Variants in TBC1D30 observed in about 807,000 individuals in gnomAD.
The protein encoded by TBC1D30 is TBC1 domain family, member 30.
Under a neutral mutation model 63.2 loss-of-function variants are expected in TBC1D30, and 31 were observed. That is an observed-to-expected ratio of 0.49 (90% CI 0.37 to 0.66). The LOEUF (loss-of-function observed/expected upper bound fraction) is 0.66. Ranked by LOEUF, TBC1D30 falls within the 30% of genes least tolerant of loss-of-function variation. The pLI is 0.00. For missense variants in TBC1D30, 810 were observed against 953.6 expected, an observed-to-expected ratio of 0.85 and a Z score of 1.98; for synonymous variants, 307 against 361.5, an observed-to-expected ratio of 0.85 and a Z score of 1.71.
At position 64,875,982 on chromosome 12, in the gene TBC1D30, A is replaced by G. The variant is rs1001175926; in HGVS notation, c.*194A>G. On this transcript the variant is annotated 3_prime_UTR_variant, in exon 12 of 12. Coordinates refer to ENST00000539867, the MANE Select transcript of TBC1D30 (RefSeq NM_015279.2). ...AGGGCTGTTTTCCCAGCTACTTGCT[A>G]ACTGACGAAGTGGATTCTTGTGGCA... 5 of 537,508 alleles carry G rather than the reference A, an allele frequency of 9.3e-6. No individual in the cohort carries two copies. Among genetic ancestry groups the G allele is most frequent in the African/African-American group, 1.9e-5 (1 of 51,892 alleles). 33.3% of individuals were successfully genotyped at this position (537,508 alleles called of 1,614,324 possible).
intron 1 of TBC1D30, among the ~76,000 whole-genome samples, chr12:64,785,147 C>CT (rs3033154): frequency 0.19 from 25,913 of 134,798 alleles, 2,872 homozygotes; most frequent in Admixed American, 0.28. Context: ...ACTTTAAAGA[C>CT]TTTTTTTTTT....
chr12:64,824,733 C>A lies in TBC1D30; in HGVS notation c.-147C>A. Reference sequence around the variant, plus strand: ...GTGCCCCGTAAGTCCCCGTGACCCTCCAGCACCAGCCGGCTGTGCGCTCCC... The same window carrying A: ...GTGCCCCGTAAGTCCCCGTGACCCTACAGCACCAGCCGGCTGTGCGCTCCC... On this transcript the variant is annotated 5_prime_UTR_variant, in exon 1 of 12. Coordinates refer to ENST00000539867, the MANE Select transcript of TBC1D30 (RefSeq NM_015279.2). 1.7e-6 allele frequency: 2 copies of A among 1,176,364 alleles called. No homozygotes were observed. The highest frequency in any genetic ancestry group is 5.7e-5 in the Admixed American group (2 of 35,334). 72.9% of individuals were successfully genotyped at this position (1,176,364 alleles called of 1,614,324 possible). A position where few individuals can be genotyped will look rare whatever the true frequency, so the allele number is the denominator to read the frequency against.
At chr12:64,761,065 G>A (rs1038545359) in intron 1 of TBC1D30, among the ~76,000 whole-genome samples, 2 of 152,078 alleles carry the variant, frequency 1.3e-5, no homozygotes, top group Admixed American at 6.5e-5. Flanking sequence ...CAATTATGCC[G>A]GAAGTGTGGT....
chr12:64,807,163 G>A (rs919671267), intron 2 of TBC1D30, among the ~76,000 whole-genome samples: 1 of 152,162 alleles, frequency 6.6e-6, no homozygotes, highest in African/African-American at 2.4e-5. Context: ...CTCCCATGCT[G>A]TTCTTATGAT....
intron 8 of TBC1D30, among the ~76,000 whole-genome samples, chr12:64,858,874 G>A (rs1877537477): frequency 6.6e-6 from 1 of 152,154 alleles, no homozygotes; most frequent in Non-Finnish European, 1.5e-5. Flanking sequence ...GGTGTGCAGA[G>A]GGGCTGGGGG....
rs542118848 is a variant in TBC1D30 at position 64,878,123 on chromosome 12, A to G, written c.*2335A>G. 4.4e-5 allele frequency: 10 copies of G among 228,978 alleles called. No homozygotes were observed. The highest frequency in any genetic ancestry group is 7.1e-5 in the Non-Finnish European group (8 of 112,342). 14.2% of individuals were successfully genotyped at this position (228,978 alleles called of 1,614,324 possible). ...TGAATGAATGAATAAGTGAAAGGAT[A>G]ATAGTCCTCTGAGGTAAAAATGGCC... On this transcript the variant is annotated 3_prime_UTR_variant, in exon 12 of 12. Coordinates refer to ENST00000539867, the MANE Select transcript of TBC1D30 (RefSeq NM_015279.2).
rs1433896059 is a variant in TBC1D30 at position 64,864,668 on chromosome 12, A to T, written c.1039A>T (p.Thr347Ser). The change falls in exon 9 of 12, where the codon ACT (threonine) becomes TCT (serine). Residue 347 changes from threonine to serine, a missense_variant and splice_region_variant. By Grantham distance (58) the Thr-to-Ser change is moderately conservative. Around this residue, in one of 4 missense-constraint regions of TBC1D30, gnomAD observed 83 missense variants for 121.5 expected, o/e 0.68. Transcript: ENST00000539867. ...DLLQSHELMQTVYSMAPFPFP... is the reference protein window; with the variant it reads ...DLLQSHELMQSVYSMAPFPFP... ...TGGCATTTTTGCTTTTGTTTTACAG[A>T]CTGTTTATTCCATGGCTCCGTTCCC... 2 of 1,535,364 alleles carry T rather than the reference A, an allele frequency of 1.3e-6. No individual in the cohort carries two copies. Among genetic ancestry groups the T allele is most frequent in the Admixed American group, 3.9e-5 (2 of 50,982 alleles).
chr12:64,795,945 T>C (rs1162143319), intron 2 of TBC1D30, among the ~76,000 whole-genome samples: 2 of 152,060 alleles, frequency 1.3e-5, no homozygotes, highest in Non-Finnish European at 2.9e-5. Flanking sequence ...GCCTGCAAAA[T>C]TGTGAATTTA....
At position 64,876,861 on chromosome 12, in the gene TBC1D30, A is replaced by G. The variant is rs1405951577; in HGVS notation, c.*1073A>G. The G allele has an allele frequency of 2.2e-6, 1 of 455,972 alleles. No homozygotes were observed. Among genetic ancestry groups the G allele is most frequent in the Non-Finnish European group, 4.4e-6 (1 of 226,818 alleles). The allele number at this position is 455,972 out of a possible 1,614,324, so 28.2% of individuals were successfully genotyped here. A position where few individuals can be genotyped will look rare whatever the true frequency, so the allele number is the denominator to read the frequency against. ...CTCTCTCACCCAGCGGGTCAGGGAT[A>G]GCACCTCTTGTCTCCACTATGCAGA... is the stretch of plus-strand genomic sequence containing the variant. On this transcript the variant is annotated 3_prime_UTR_variant, in exon 12 of 12. Transcript: ENST00000539867.
Position 64,830,296 on chromosome 12 carries a change from C to T in TBC1D30, c.283-81C>T, listed in dbSNP as rs567044914. 11 of 1,357,158 alleles carry T rather than the reference C, an allele frequency of 8.1e-6. No individual in the cohort carries two copies. In the African/African-American group the frequency reaches 8.6e-5, roughly 11 times the overall value. The allele number at this position is 1,357,158 out of a possible 1,614,324, so 84.1% of individuals were successfully genotyped here. A position where few individuals can be genotyped will look rare whatever the true frequency, so the allele number is the denominator to read the frequency against. On this transcript the variant is annotated intron_variant, in intron 3 of 11. Coordinates refer to ENST00000539867, the MANE Select transcript of TBC1D30 (RefSeq NM_015279.2). The stretch of plus-strand genomic sequence containing the variant: ...CTAGGGACACTTCCCATTTTCTTGT[C>T]GAATGCAATAACTACTTTCTAATAA...
chr12:64,869,952 C>G (rs944684636), intron 10 of TBC1D30, among the ~76,000 whole-genome samples: 1 of 152,160 alleles, frequency 6.6e-6, no homozygotes, highest in Non-Finnish European at 1.5e-5. Context: ...GGGTTACTCC[C>G]ACCTAGTATT....
chr12:64,824,685 C>T lies in TBC1D30; in HGVS notation c.-195C>T, dbSNP rs1874135986. ...CCGCACTGCAGATGCCTGCTGGCTTCCCTGCGCTCGGCGGCTCCCGCGGTG... is the reference window on the plus strand; with the variant it reads ...CCGCACTGCAGATGCCTGCTGGCTTTCCTGCGCTCGGCGGCTCCCGCGGTG... On this transcript the variant is annotated 5_prime_UTR_variant, in exon 1 of 12. Transcript: ENST00000539867. 3.0e-6 allele frequency: 2 copies of T among 669,114 alleles called. No individual in the cohort carries two copies. The highest frequency in any genetic ancestry group is 4.8e-6 in the Non-Finnish European group (2 of 420,774). The allele number at this position is 669,114 out of a possible 1,614,324, so 41.4% of individuals were successfully genotyped here. A position where few individuals can be genotyped will look rare whatever the true frequency, so the allele number is the denominator to read the frequency against.
At chr12:64,854,319 C>A (rs1338595250) in intron 8 of TBC1D30, among the ~76,000 whole-genome samples, 1 of 152,030 alleles carries the variant, frequency 6.6e-6, no homozygotes, top group Non-Finnish European at 1.5e-5. Context: ...AAACTGATGG[C>A]AACGTAACAC....
intron 1 of TBC1D30, among the ~76,000 whole-genome samples, chr12:64,768,036 T>G (rs1870783504): frequency 6.6e-6 from 1 of 152,116 alleles, no homozygotes; most frequent in South Asian, 2.1e-4. Context: ...GCTGCCAGCT[T>G]TGATGGGGAC....
At chr12:64,845,726 CAA>C (rs71096005) in intron 8 of TBC1D30, among the ~76,000 whole-genome samples, 13,660 of 123,002 alleles carry the variant, frequency 0.11, 733 homozygotes, top group Middle Eastern at 0.17. Context: ...GACTCCGTCT[CAA>C]AAAAAAAAAA....
rs1391820344 is a variant in TBC1D30 at position 64,843,454 on chromosome 12, A to G, written c.1007A>G (p.Asn336Ser). ...MGRLTQEMLE[N>S]DLLQSHELMQ... is the part of the protein sequence containing the mutation. ...CGCCTTACCCAGGAGATGCTAGAGA[A>G]TGATCTTCTGCAAAGCCATGAACTC... The change falls in exon 8 of 12, where the codon AAT (asparagine) becomes AGT (serine). Residue 336 changes from asparagine (N) to serine (S), a missense_variant. Physicochemically the swap from Asn to Ser is conservative, Grantham distance 46. Transcript: ENST00000539867. 1.3e-6 allele frequency: 2 copies of G among 1,536,202 alleles called. No individual in the cohort carries two copies. Among genetic ancestry groups the G allele is most frequent in the Admixed American group, 2.0e-5 (1 of 51,000 alleles).
At chr12:64,817,276 G>A (rs1433907797) in intron 2 of TBC1D30, among the ~76,000 whole-genome samples, 1 of 152,218 alleles carries the variant, frequency 6.6e-6, no homozygotes, top group African/African-American at 2.4e-5. Context: ...TCAAAGGACA[G>A]TATTGAGCGC....
chr12:64,763,194 G>T (rs544261242), intron 1 of TBC1D30, among the ~76,000 whole-genome samples: 1 of 152,250 alleles, frequency 6.6e-6, no homozygotes, highest in South Asian at 2.1e-4. Flanking sequence ...GACTTCAGGT[G>T]ATCTACCCGC....
At chr12:64,765,684 C>A (rs1388685906) in intron 1 of TBC1D30, among the ~76,000 whole-genome samples, 2 of 151,332 alleles carry the variant, frequency 1.3e-5, no homozygotes, top group Admixed American at 1.3e-4. Context: ...CATGAGCCAA[C>A]TGAGAAGAGA....
Sources: allele counts gnomAD v4.1 joint callset (sites outside exome capture counted in the v4.1 genomes callset), GRCh38; gene constraint gnomAD v4.1.1; regional missense constraint gnomAD v4.1.1; transcripts MANE v1.5; gene names NCBI Gene and HGNC (gene_info 2026-07-23, HGNC 2026-07-21).